The following ADAMTS15 variants were observed in gnomAD, a reference collection of about 807,000 sequenced individuals.
ADAMTS15 encodes the protein A disintegrin and metalloproteinase with thrombospondin motifs 15.
In ADAMTS15, 35 loss-of-function variants were observed where a neutral mutation model predicts 79.1. The ratio of observed to expected loss-of-function variants is 0.44; its 90% CI spans 0.34 to 0.59. ADAMTS15 has a LOEUF of 0.59. Ranked by LOEUF, ADAMTS15 falls within the 20% of genes least tolerant of loss-of-function variation. The pLI is 0.02. For synonymous variants in ADAMTS15, 616 were observed against 567.3 expected (o/e 1.09, Z -1.22); for missense variants, 1,324 against 1,318.7 (o/e 1.00, Z -0.06).
intron 1 of ADAMTS15, among the ~76,000 whole-genome samples, chr11:130,461,165 C>T (rs543622833): frequency 2.8e-4 from 42 of 152,310 alleles, no homozygotes; most frequent in African/African-American, 8.7e-4. Context: ...TCTGGAGGGC[C>T]GTCTCTCTAT....
In ADAMTS15 at chr11:130,470,838, G is replaced by C. The variant is rs1044658304; in HGVS notation, c.1721-82G>C. 2.0e-6 allele frequency: 3 copies of C among 1,474,078 alleles called. No homozygotes were observed. In the African/African-American group the frequency reaches 4.2e-5, roughly 21 times the overall value. The allele number at this position is 1,474,078 out of a possible 1,614,324, so 91.3% of individuals were successfully genotyped here. ...GGGTGGGAAGGGCTAAGAGAGCCAC[G>C]GCAGGCTGGGAGGGAGGCTTGTCCT... On this transcript the variant is annotated intron_variant, in intron 5 of 7. Transcript: ENST00000299164.
Position 130,462,123 on chromosome 11 carries a change from T to G in ADAMTS15, c.1127T>G (p.Val376Gly). ...AACATGCCCCATGACAATGTGAAAG[T>G]CTGTGAGGAGGTGTTTGGGAAGCTC... The part of the protein sequence containing the change: ...VFNMPHDNVK[V>G]CEEVFGKLRA... The change falls in exon 3 of 8, where the codon GTC becomes GGC. Residue 376 changes from valine to glycine, a missense_variant. Val to Gly is a moderately radical substitution (Grantham distance 109). Transcript: ENST00000299164. The surrounding 1 kb of genome is among the most constrained non-coding windows in gnomAD (Gnocchi z 4.3). The G allele has an allele frequency of 6.2e-7, 1 of 1,614,026 alleles. No homozygotes were observed. The highest frequency in any genetic ancestry group is 8.5e-7 in the Non-Finnish European group (1 of 1,179,996).
intron 1 of ADAMTS15, among the ~76,000 whole-genome samples, chr11:130,455,345 C>T (rs944666201): frequency 6.6e-6 from 1 of 152,206 alleles, no homozygotes; most frequent in Non-Finnish European, 1.5e-5. Flanking sequence ...TCCCATTGTC[C>T]TTTCAAGTAT....
At chr11:130,463,961 T>C (rs1938253486) in intron 4 of ADAMTS15, among the ~76,000 whole-genome samples, 1 of 151,096 alleles carries the variant, frequency 6.6e-6, no homozygotes, top group Non-Finnish European at 1.5e-5. Flanking sequence ...TTGGAGGAGG[T>C]TGGATTTGAA....
chr11:130,461,377 G>C, intron 1 of ADAMTS15, 112 bp from the exon 2 acceptor site: 1 of 1,489,632 alleles, frequency 6.7e-7, no homozygotes, highest in Non-Finnish European at 9.1e-7. Flanking sequence ...GCCTGGTGAG[G>C]TTGGAATGAG....
intron 4 of ADAMTS15, among the ~76,000 whole-genome samples, chr11:130,468,487 C>T (rs192436835): frequency 1.3e-5 from 2 of 152,088 alleles, no homozygotes; most frequent in East Asian, 1.9e-4. Context: ...AAAATAAGGC[C>T]GGGCGCGGTG....
chr11:130,470,872 G>A, intron 5 of ADAMTS15, 48 bp from the exon 6 acceptor site: 1 of 1,581,706 alleles, frequency 6.3e-7, no homozygotes, highest in South Asian at 1.2e-5. Flanking sequence ...CTTTGCACCG[G>A]CCTTGTCCCT....
At position 130,476,587 on chromosome 11, in the gene ADAMTS15, G is replaced by A. The variant is rs1411366563; in HGVS notation, c.*2766G>A. 6.6e-6 allele frequency: 1 copy of A among 152,250 alleles called. No homozygotes were observed. The highest frequency in any genetic ancestry group is 2.4e-5 in the African/African-American group (1 of 41,440). 9.4% of individuals were successfully genotyped at this position (152,250 alleles called of 1,614,324 possible). A position where few individuals can be genotyped will look rare whatever the true frequency, so the allele number is the denominator to read the frequency against. On this transcript the variant is annotated 3_prime_UTR_variant, in exon 8 of 8. Coordinates refer to ENST00000299164, the MANE Select transcript of ADAMTS15 (RefSeq NM_139055.4). ...CTGTGTATACTGTGTATACAAGGGA[G>A]CTGGCTGCTGAGGTGACCACAGCCT...
intron 1 of ADAMTS15, 59 bp from the exon 2 acceptor site, chr11:130,461,430 G>T: frequency 1.2e-6 from 2 of 1,611,214 alleles, no homozygotes; most frequent in East Asian, 2.2e-5. Flanking sequence ...TTCCCTTCAG[G>T]TCCCTTCTGT....
At chr11:130,455,505 T>C (rs1938058051) in intron 1 of ADAMTS15, among the ~76,000 whole-genome samples, 1 of 152,132 alleles carries the variant, frequency 6.6e-6, no homozygotes, top group Non-Finnish European at 1.5e-5. Flanking sequence ...CAGTAGGTGA[T>C]TGTGGAAGGA....
chr11:130,470,157 T>TACAC (rs1938403504), intron 5 of ADAMTS15, among the ~76,000 whole-genome samples: 2 of 40,346 alleles, frequency 5.0e-5, no homozygotes, highest in Non-Finnish European at 9.2e-5. Context: ...TATATGTGTA[T>TACAC]ATATATATAT....
rs548086308 is a variant in ADAMTS15 at position 130,459,214 on chromosome 11, G to A, written c.958-2275G>A. On this transcript the variant is annotated intron_variant, in intron 1 of 7. Transcript: ENST00000299164. ...ATCTCTACTACAAATACAAAAATTA[G>A]CTGAGCATGGTGGCAGGTGCCTGTA... Among the ~76,000 whole-genome samples the A allele has an allele frequency of 2.0e-5, 3 of 152,096 alleles. No individual in the cohort carries two copies. The South Asian group carries it at 6.2e-4, about 32-fold the overall frequency.
chr11:130,470,188 A>ATATG (rs1938416835), intron 5 of ADAMTS15, among the ~76,000 whole-genome samples: 1 of 48,916 alleles, frequency 2.0e-5, no homozygotes, highest in Non-Finnish European at 4.1e-5. Context: ...ATATGTGTGT[A>ATATG]TATATATATA....
At chr11:130,470,168 A>ACACACATG (rs1289468941) in intron 5 of ADAMTS15, among the ~76,000 whole-genome samples, 1 of 58,686 alleles carries the variant, frequency 1.7e-5, no homozygotes, top group African/African-American at 1.0e-4. Flanking sequence ...ATATATATAT[A>ACACACATG]TATATATATA....
Position 130,475,616 on chromosome 11 carries a change from T to A in ADAMTS15, c.*1795T>A, listed in dbSNP as rs1469376863. The A allele has an allele frequency of 6.6e-6, 1 of 152,128 alleles. No individual in the cohort carries two copies. Among genetic ancestry groups the A allele is most frequent in the Non-Finnish European group, 1.5e-5 (1 of 68,100 alleles). The allele number at this position is 152,128 out of a possible 1,614,324, so 9.4% of individuals were successfully genotyped here. On this transcript the variant is annotated 3_prime_UTR_variant, in exon 8 of 8. Coordinates refer to ENST00000299164, the MANE Select transcript of ADAMTS15 (RefSeq NM_139055.4). ...CCTCTGCGATGATGTTCTCATCCGG[T>A]CTAACGCTGGGCTGGAAACCTTGGA...
intron 5 of ADAMTS15, among the ~76,000 whole-genome samples, chr11:130,470,198 A>G (rs148658477): frequency 0.015 from 741 of 50,862 alleles, 52 homozygotes; most frequent in Non-Finnish European, 0.022. Context: ...ATATATATAT[A>G]TATATATATA....
rs753856444 is a variant in ADAMTS15 at position 130,469,355 on chromosome 11, C to T, written c.1636C>T (p.Pro546Ser). ...VQLARRQCTN[P>S]TPANGGKYCE... ...GCTGGCCAGGAGGCAGTGCACCAAC[C>T]CCACCCCTGCCAACGGGGGCAAGTA... The change falls in exon 5 of 8, where the codon CCC (proline) becomes TCC (serine). Residue 546 changes from proline to serine, a missense_variant. Physicochemically the swap from Pro to Ser is moderately conservative, Grantham distance 74. Transcript: ENST00000299164. 3.7e-6 allele frequency: 5 copies of T among 1,358,980 alleles called. No individual in the cohort carries two copies. Among genetic ancestry groups the T allele is most frequent in the Non-Finnish European group, 2.9e-6 (3 of 1,047,220 alleles). The allele number at this position is 1,358,980 out of a possible 1,614,324, so 84.2% of individuals were successfully genotyped here.
chr11:130,449,994 C>G lies in ADAMTS15; in HGVS notation c.957+64C>G. 2.6e-6 allele frequency: 4 copies of G among 1,561,324 alleles called. No homozygotes were observed. The highest frequency in any genetic ancestry group is 3.5e-6 in the Non-Finnish European group (4 of 1,157,930). On this transcript the variant is annotated intron_variant, in intron 1 of 7. Coordinates refer to ENST00000299164, the MANE Select transcript of ADAMTS15 (RefSeq NM_139055.4). The surrounding 1 kb of genome is among the most constrained non-coding windows in gnomAD (Gnocchi z 7.8). Reference sequence around the variant, plus strand: ...CGTTCTTTAGGGTCACCTCCCCTAGCGCTCCAAATCCCCTTTGTATCGTGC... The same window carrying G: ...CGTTCTTTAGGGTCACCTCCCCTAGGGCTCCAAATCCCCTTTGTATCGTGC...
In ADAMTS15 at chr11:130,468,537, G is replaced by A. The variant is rs554579575; in HGVS notation, c.1543-725G>A. ...TCCCAGCACTTTGGGAGGCCGAGGC[G>A]GGCGGATCACGAGGTCAGGAGATCG... On this transcript the variant is annotated intron_variant, in intron 4 of 7. Transcript: ENST00000299164. 1.6e-4 allele frequency among the ~76,000 whole-genome samples: 24 copies of A among 151,912 alleles called. 2 individuals carry two copies. The South Asian group carries it at 4.8e-3, about 30-fold the overall frequency.
Sources: allele counts gnomAD v4.1 joint callset (sites outside exome capture counted in the v4.1 genomes callset), GRCh38; gene constraint gnomAD v4.1.1; non-coding constraint Gnocchi (gnomAD v3.1); transcripts MANE v1.5; gene names NCBI Gene and HGNC (gene_info 2026-07-23, HGNC 2026-07-21).